Variants in ADAMTS2 observed in about 807,000 individuals in gnomAD.
ADAMTS2 encodes ADAM metallopeptidase with thrombospondin type 1 motif 2, also known as A disintegrin and metalloproteinase with thrombospondin motifs 2.
In ADAMTS2, 50 loss-of-function variants were observed where a neutral mutation model predicts 123.0. The observed-to-expected ratio is 0.41, with a 90% confidence interval of 0.32 to 0.51. ADAMTS2 has a LOEUF of 0.51. Among genes scored for constraint, ADAMTS2 ranks in the 20% least tolerant of loss-of-function variants. The probability of loss-of-function intolerance (pLI) is 0.35; values close to 1 mark genes in which losing one functional copy is unlikely to be tolerated. For synonymous variants in ADAMTS2, 678 were observed against 695.4 expected, an observed-to-expected ratio of 0.98 and a Z score of 0.39; for missense variants, 1,494 against 1,705.2, an observed-to-expected ratio of 0.88 and a Z score of 2.18.
At chr5:179,271,408 C>T (rs141802850) in intron 3 of ADAMTS2, among the ~76,000 whole-genome samples, 3 of 152,318 alleles carry the variant, frequency 2.0e-5, no homozygotes, top group African/African-American at 4.8e-5. Flanking sequence ...AGTGACCAGC[C>T]CCTGAGCTCT....
chr5:179,138,307 C>T (rs1763100694), intron 11 of ADAMTS2, among the ~76,000 whole-genome samples: 1 of 152,180 alleles, frequency 6.6e-6, no homozygotes, highest in African/African-American at 2.4e-5. Flanking sequence ...TTCTGTGTTC[C>T]CCACAGGGCG....
At chr5:179,209,610 G>A (rs1040242591) in intron 3 of ADAMTS2, among the ~76,000 whole-genome samples, 3 of 143,008 alleles carry the variant, frequency 2.1e-5, no homozygotes, top group Non-Finnish European at 3.0e-5. Flanking sequence ...ACACATGCAT[G>A]TACACAGCAA....
chr5:179,273,243 G>GC (rs916069011), intron 2 of ADAMTS2, among the ~76,000 whole-genome samples, 179 bp from the exon 3 acceptor site: 3 of 152,078 alleles, frequency 2.0e-5, no homozygotes, highest in African/African-American at 7.2e-5. Context: ...CCCAGAGGCC[G>GC]CCCCCCGCCG....
intron 2 of ADAMTS2, among the ~76,000 whole-genome samples, chr5:179,327,942 A>G (rs1757357028): frequency 6.6e-6 from 1 of 152,284 alleles, no homozygotes; most frequent in African/African-American, 2.4e-5. Flanking sequence ...AAGGAAGTTC[A>G]TAAAAAGTCT....
At chr5:179,133,022 G>A (rs1172877485) in intron 13 of ADAMTS2, 122 bp from the exon 14 acceptor site, 7 of 1,360,294 alleles carry the variant, frequency 5.1e-6, no homozygotes, top group Non-Finnish European at 6.1e-6. Context: ...GCCTCCCAAA[G>A]CATTGGGATT....
rs1393846820 is a variant in ADAMTS2, at chr5:179,256,503, T to C, written c.688+16408A>G. ...GATGTGGATGTGTCTGCTCTGACCA[T>C]GGGTGTGTGCATGCCTGCGTGTGTG... On this transcript the variant is annotated intron_variant, in intron 3 of 21. Coordinates refer to ENST00000251582, the MANE Select transcript of ADAMTS2 (RefSeq NM_014244.5). The surrounding 1 kb of genome is among the most constrained non-coding windows in gnomAD (Gnocchi z 4.1). Among the ~76,000 whole-genome samples, 2 of 149,882 alleles carry C rather than the reference T, an allele frequency of 1.3e-5. No individual in the cohort carries two copies. The highest frequency in any genetic ancestry group is 3.0e-5 in the Non-Finnish European group (2 of 67,162).
chr5:179,172,649 A>C (rs1207508067), intron 5 of ADAMTS2, among the ~76,000 whole-genome samples: 1 of 152,006 alleles, frequency 6.6e-6, no homozygotes, highest in East Asian at 1.9e-4. Context: ...GGAACACAGA[A>C]ACCTCATTAC....
At chr5:179,198,436 G>A (rs1467388367) in intron 4 of ADAMTS2, among the ~76,000 whole-genome samples, 1 of 152,210 alleles carries the variant, frequency 6.6e-6, no homozygotes, top group Admixed American at 6.5e-5. Flanking sequence ...GCATCCCCAA[G>A]GGGCCTCAGC....
At position 179,285,080 on chromosome 5, in the gene ADAMTS2, G is replaced by T. The variant is rs1755982162; in HGVS notation, c.535-12016C>A. ...TACTGCGTCTCTAGCACTGGGCACAGCACGTGATAAATCAGCCGACTGGCA... is the reference window on the plus strand; with the variant it reads ...TACTGCGTCTCTAGCACTGGGCACATCACGTGATAAATCAGCCGACTGGCA... On this transcript the variant is annotated intron_variant, in intron 2 of 21. Transcript: ENST00000251582. The surrounding 1 kb of genome is among the most constrained non-coding windows in gnomAD (Gnocchi z 4.9). Among the ~76,000 whole-genome samples the T allele has an allele frequency of 6.6e-6, 1 of 152,156 alleles. No homozygotes were observed. The highest frequency in any genetic ancestry group is 2.1e-4 in the South Asian group (1 of 4,820).
chr5:179,326,163 G>A (rs1252082089), intron 2 of ADAMTS2, among the ~76,000 whole-genome samples: 1 of 152,032 alleles, frequency 6.6e-6, no homozygotes, highest in Non-Finnish European at 1.5e-5. Context: ...TTGTTTTCAG[G>A]TGGGAAGGAT....
In ADAMTS2 at chr5:179,341,728, A is replaced by AG. The variant is rs1561772810; in HGVS notation, c.534+2038_534+2039insC. 4.9e-3 allele frequency among the ~76,000 whole-genome samples: 687 copies of AG among 138,866 alleles called. 15 individuals carry two copies. Among genetic ancestry groups the AG allele is most frequent in the African/African-American group, 0.017 (655 of 38,144 alleles). 91.1% of individuals were successfully genotyped at this position (138,866 alleles called of 152,430 possible). On this transcript the variant is annotated intron_variant, in intron 2 of 21. Transcript: ENST00000251582. ...AGACTCCGTCTCAAAAAAAAAAAAA[A>AG]AAAAGAAAACAGAACCAATGGTGCT...
chr5:179,201,651 A>T (rs1764568908), intron 4 of ADAMTS2, among the ~76,000 whole-genome samples: 1 of 150,528 alleles, frequency 6.6e-6, no homozygotes, highest in Non-Finnish European at 1.5e-5. Flanking sequence ...AAAAAAAAAA[A>T]ATTAGACGGC....
chr5:179,315,737 G>A (rs1215952122), intron 2 of ADAMTS2, among the ~76,000 whole-genome samples: 1 of 152,232 alleles, frequency 6.6e-6, no homozygotes, highest in Non-Finnish European at 1.5e-5. Context: ...AGGAGCTGCT[G>A]AGCACAAACG....
In ADAMTS2 at chr5:179,158,729, T is replaced by C. The variant is rs776872357; in HGVS notation, c.1126A>G (p.Met376Val). The C allele has an allele frequency of 1.2e-6, 2 of 1,614,202 alleles. No individual in the cohort carries two copies. Among genetic ancestry groups the C allele is most frequent in the African/African-American group, 1.3e-5 (1 of 75,060 alleles). ...LTRQDFGPSG[M>V]QGYAPVTGMC... ...CTGCATGGGTGAGGCTCACCTTGCATGCCGGAAGGCCCAAAGTCCTGCCGT... is the reference window on the plus strand; with the variant it reads ...CTGCATGGGTGAGGCTCACCTTGCACGCCGGAAGGCCCAAAGTCCTGCCGT... The change falls in exon 6 of 22, where the codon ATG (methionine) becomes GTG (valine). Residue 376 changes from methionine (M) to valine (V), a missense_variant. By Grantham distance (21) the Met-to-Val change is conservative. Around this residue, in one of 6 missense-constraint regions of ADAMTS2, gnomAD observed 47 missense variants for 92.7 expected, o/e 0.51. Transcript: ENST00000251582. This position sits in a 1 kb window ranked among gnomAD's most constrained non-coding sequence, Gnocchi z 5.0.
At chr5:179,275,333 C>T (rs1331918408) in intron 2 of ADAMTS2, among the ~76,000 whole-genome samples, 2 of 151,904 alleles carry the variant, frequency 1.3e-5, no homozygotes, top group Non-Finnish European at 2.9e-5. Flanking sequence ...ATGGACAGGA[C>T]GTGGTAGGGT....
chr5:179,301,770 A>G (rs1242400048), intron 2 of ADAMTS2, among the ~76,000 whole-genome samples: 1 of 152,246 alleles, frequency 6.6e-6, no homozygotes, highest in Non-Finnish European at 1.5e-5. Context: ...AAAGACACAA[A>G]TGAGGGCAGG....
Position 179,152,153 on chromosome 5 carries a change from C to T in ADAMTS2, c.1618G>A (p.Ala540Thr), listed in dbSNP as rs1336963476. 1 of 1,613,754 alleles carries T rather than the reference C, an allele frequency of 6.2e-7. No homozygotes were observed. The highest frequency in any genetic ancestry group is 8.5e-7 in the Non-Finnish European group (1 of 1,179,750). Reference protein sequence around the residue: ...KGPPLDGTMCAPGKHCFKGHC... With the variant: ...KGPPLDGTMCTPGKHCFKGHC... ...TGATGCTGCCTCACCTTGCCAGGTGCACACATAGTCCCGTCCAAGGGGGGC... is the reference window on the plus strand; with the variant it reads ...TGATGCTGCCTCACCTTGCCAGGTGTACACATAGTCCCGTCCAAGGGGGGC... The change falls in exon 10 of 22, where the codon GCA (alanine) becomes ACA (threonine). Residue 540 changes from alanine (A) to threonine (T), a missense_variant. Transcript: ENST00000251582.
intron 18 of ADAMTS2, 134 bp downstream of exon 18, chr5:179,125,864 T>C: frequency 7.5e-7 from 1 of 1,338,120 alleles, no homozygotes; most frequent in Non-Finnish European, 1.0e-6. Flanking sequence ...TTAGATTCCA[T>C]GAAATGTGGT....
At position 179,135,895 on chromosome 5, in the gene ADAMTS2, C is replaced by A. The variant is rs374005963; in HGVS notation, c.2085+14G>T. 1.4e-5 allele frequency: 23 copies of A among 1,612,870 alleles called. No individual in the cohort carries two copies. The highest frequency in any genetic ancestry group is 1.9e-5 in the Non-Finnish European group (23 of 1,180,018). ...TGACACGGTAGCCCCCCGTGCCGGC[C>A]TCTGTGTACTCACCCTGCAGTCCCC... On this transcript the variant is annotated intron_variant, in intron 13 of 21. Transcript: ENST00000251582.
Sources: allele counts gnomAD v4.1 joint callset (sites outside exome capture counted in the v4.1 genomes callset), GRCh38; gene constraint gnomAD v4.1.1; regional missense constraint gnomAD v4.1.1; non-coding constraint Gnocchi (gnomAD v3.1); transcripts MANE v1.5; gene names NCBI Gene and HGNC (gene_info 2026-07-23, HGNC 2026-07-21).